NAXD: variants seen among roughly 807,000 people sequenced by gnomAD.
NAXD encodes the protein NAD(P)HX dehydratase.
A neutral mutation model predicts 35.8 loss-of-function variants in NAXD; 22 were observed. The ratio of observed to expected loss-of-function variants is 0.62; its 90% CI spans 0.44 to 0.88. The LOEUF is 0.88. Among genes scored for constraint, NAXD ranks in the 40% least tolerant of loss-of-function variants. NAXD has a pLI of 0.00. For synonymous variants in NAXD, 189 were observed against 177.6 expected, an observed-to-expected ratio of 1.06 and a Z score of -0.51; for missense variants, 428 against 437.7, an observed-to-expected ratio of 0.98 and a Z score of 0.20.
chr13:110,635,371 C>A, intron 7 of NAXD, 97 bp from the exon 8 acceptor site: 1 of 1,428,108 alleles, frequency 7.0e-7, no homozygotes, highest in Non-Finnish European at 9.6e-7. Flanking sequence ...CCTTTAGACA[C>A]GAGAGCATGA....
chr13:110,620,382 C>G (rs1886215155), intron 1 of NAXD, among the ~76,000 whole-genome samples: 1 of 151,798 alleles, frequency 6.6e-6, no homozygotes, highest in Non-Finnish European at 1.5e-5. Context: ...GAGATCGAGA[C>G]CACCCTGGCC....
intron 5 of NAXD, among the ~76,000 whole-genome samples, chr13:110,632,703 A>G (rs960391427): frequency 2.0e-5 from 3 of 151,602 alleles, no homozygotes; most frequent in Non-Finnish European, 4.4e-5. Flanking sequence ...GTATTTACAA[A>G]CCTTGAGCTA....
intron 4 of NAXD, 105 bp from the exon 5 acceptor site, chr13:110,627,334 T>G: frequency 7.1e-6 from 5 of 708,350 alleles, no homozygotes; most frequent in Non-Finnish European, 1.2e-5. Flanking sequence ...TAAAAGTCAT[T>G]ACTATTTATA....
chr13:110,624,895 C>T (rs553693622), intron 3 of NAXD, among the ~76,000 whole-genome samples: 7 of 152,266 alleles, frequency 4.6e-5, no homozygotes, highest in African/African-American at 1.2e-4. Context: ...CAAGTGCTAA[C>T]GGCCGGCCTC....
At position 110,638,900 on chromosome 13, in the gene NAXD, G is replaced by A. The variant is rs330566; in HGVS notation, c.*372G>A. On this transcript the variant is annotated 3_prime_UTR_variant, in exon 10 of 10. Transcript: ENST00000680254. This position sits in a 1 kb window ranked among gnomAD's most constrained non-coding sequence, Gnocchi z 5.4. ...TTTCTACTTGTTACTCTCTCTGCCG[G>A]CGCCCTTCGTTCCTCCTCTGCTTCC... 0.32 allele frequency: 120,162 copies of A among 378,454 alleles called. 20,526 individuals carry two copies. The highest frequency in any genetic ancestry group is 0.47 in the Admixed American group (13,218 of 28,118). The allele number at this position is 378,454 out of a possible 1,614,324, so 23.4% of individuals were successfully genotyped here.
Position 110,622,245 on chromosome 13 carries a change from G to C in NAXD, c.76G>C (p.Ala26Pro). 1 of 1,613,836 alleles carries C rather than the reference G, an allele frequency of 6.2e-7. No individual in the cohort carries two copies. Among genetic ancestry groups the C allele is most frequent in the Non-Finnish European group, 8.5e-7 (1 of 1,179,900 alleles). The change falls in exon 2 of 10, where the codon GCA becomes CCA. Residue 26 changes from alanine (A) to proline (P), a missense_variant. Transcript: ENST00000680254. ...AGAAAGAGCGTTTTCGCTACGTAAAGCACATTCGATAAAGGATATGGAAAA... is the reference window on the plus strand; with the variant it reads ...AGAAAGAGCGTTTTCGCTACGTAAACCACATTCGATAAAGGATATGGAAAA... The part of the protein sequence containing the change: ...VLERAFSLRK[A>P]HSIKDMENTL...
At position 110,638,830 on chromosome 13, in the gene NAXD, T is replaced by C. The variant is rs1295938359; in HGVS notation, c.*302T>C. ...AATCACATGAGAATGAAGAATTCTT[T>C]AGCAGCTCAACAGAGTTTCTCGGCC... On this transcript the variant is annotated 3_prime_UTR_variant, in exon 10 of 10. Coordinates refer to ENST00000680254, the MANE Select transcript of NAXD (RefSeq NM_001242882.2). The surrounding 1 kb of genome is among the most constrained non-coding windows in gnomAD (Gnocchi z 5.4). The C allele has an allele frequency of 1.6e-5, 8 of 515,690 alleles. No homozygotes were observed. Among genetic ancestry groups the C allele is most frequent in the South Asian group, 9.1e-5 (5 of 54,864 alleles). 31.9% of individuals were successfully genotyped at this position (515,690 alleles called of 1,614,324 possible). A position where few individuals can be genotyped will look rare whatever the true frequency, so the allele number is the denominator to read the frequency against.
At chr13:110,618,220 A>T (rs947033309) in intron 1 of NAXD, among the ~76,000 whole-genome samples, 3 of 152,234 alleles carry the variant, frequency 2.0e-5, no homozygotes, top group Non-Finnish European at 2.9e-5. Context: ...CTTCCATTTG[A>T]GAGCCGTTGT....
Position 110,638,306 on chromosome 13 carries a change from G to C in NAXD, c.840-72G>C. ...GATTGAAACAGGAGTCAAAACCAGAGCCCAGGGTAGCTGCGGCCCCCGGAC... is the reference window on the plus strand; with the variant it reads ...GATTGAAACAGGAGTCAAAACCAGACCCCAGGGTAGCTGCGGCCCCCGGAC... On this transcript the variant is annotated intron_variant, in intron 9 of 9. Coordinates refer to ENST00000680254, the MANE Select transcript of NAXD (RefSeq NM_001242882.2). The surrounding 1 kb of genome is among the most constrained non-coding windows in gnomAD (Gnocchi z 5.4). 1.2e-6 allele frequency: 2 copies of C among 1,611,108 alleles called. No individual in the cohort carries two copies. Among genetic ancestry groups the C allele is most frequent in the African/African-American group, 1.3e-5 (1 of 74,886 alleles).
At position 110,634,653 on chromosome 13, in the gene NAXD, G is replaced by A. The variant is rs1485816310; in HGVS notation, c.493-19G>A. On this transcript the variant is annotated intron_variant, in intron 6 of 9. Transcript: ENST00000680254. Reference sequence around the variant, plus strand: ...CCCGGAAGGCCTGTGCAGTGAGCACGGCTCCTTGTTCTGTGCAGGATGGCC... The same window carrying A: ...CCCGGAAGGCCTGTGCAGTGAGCACAGCTCCTTGTTCTGTGCAGGATGGCC... The A allele has an allele frequency of 5.6e-6, 9 of 1,613,738 alleles. No individual in the cohort carries two copies. The highest frequency in any genetic ancestry group is 2.2e-5 in the East Asian group (1 of 44,878).
chr13:110,626,384 G>A (rs980159768), intron 4 of NAXD, among the ~76,000 whole-genome samples: 3 of 152,154 alleles, frequency 2.0e-5, no homozygotes, highest in Admixed American at 1.3e-4. Flanking sequence ...TGGTGGAAAC[G>A]GGCTTGGGTG....
At chr13:110,622,100 G>T in intron 1 of NAXD, 116 bp from the exon 2 acceptor site, 2 of 820,700 alleles carry the variant, frequency 2.4e-6, no homozygotes, top group Non-Finnish European at 3.6e-6. Flanking sequence ...AAATCCATTG[G>T]GTAAAAATCT....
chr13:110,618,724 A>G (rs185813466), intron 1 of NAXD, among the ~76,000 whole-genome samples: 1 of 149,634 alleles, frequency 6.7e-6, no homozygotes, highest in East Asian at 1.9e-4. Context: ...GAAAAATTGT[A>G]TGTGTTCTTG....
intron 1 of NAXD, among the ~76,000 whole-genome samples, chr13:110,621,444 C>T (rs1886258771): frequency 6.6e-6 from 1 of 152,130 alleles, no homozygotes; most frequent in Non-Finnish European, 1.5e-5. Flanking sequence ...GCCTGTAATC[C>T]CAGCACTTTG....
intron 2 of NAXD, among the ~76,000 whole-genome samples, chr13:110,622,751 A>AT (rs1886316128): frequency 6.6e-6 from 1 of 152,194 alleles, no homozygotes; most frequent in Non-Finnish European, 1.5e-5. Flanking sequence ...CATTTATGAA[A>AT]TTTGACAAAT....
chr13:110,625,361 C>T, intron 4 of NAXD, 83 bp downstream of exon 4: 3 of 897,130 alleles, frequency 3.3e-6, no homozygotes, highest in South Asian at 2.8e-5. Flanking sequence ...CCGAAAGCGT[C>T]CTGATGGATT....
At chr13:110,621,224 G>A (rs1460185074) in intron 1 of NAXD, among the ~76,000 whole-genome samples, 1 of 152,242 alleles carries the variant, frequency 6.6e-6, no homozygotes, top group African/African-American at 2.4e-5. Flanking sequence ...GCGGATTACA[G>A]GTGGGAGCTT....
In NAXD at chr13:110,638,421, A is replaced by G; in HGVS notation, c.883A>G (p.Thr295Ala). ...GGCCGCGTTTGGCGCCTGCTCTCTC[A>G]CCAGGCAGTGCAACCACCAAGCCTT... ...LVAAFGACSL[T>A]RQCNHQAFQK... is the part of the protein sequence containing the mutation. The change falls in exon 10 of 10, where the codon ACC (threonine) becomes GCC (alanine). Residue 295 changes from threonine to alanine, a missense_variant. Around this residue, in one of 3 missense-constraint regions of NAXD, gnomAD observed 209 missense variants for 214.6 expected, o/e 0.97. Transcript: ENST00000680254. The surrounding 1 kb of genome is among the most constrained non-coding windows in gnomAD (Gnocchi z 5.4). 1 of 1,613,428 alleles carries G rather than the reference A, an allele frequency of 6.2e-7. No individual in the cohort carries two copies. The highest frequency in any genetic ancestry group is 8.5e-7 in the Non-Finnish European group (1 of 1,179,980).
chr13:110,633,380 G>A (rs1296802705), intron 5 of NAXD, among the ~76,000 whole-genome samples: 1 of 152,218 alleles, frequency 6.6e-6, no homozygotes, highest in Non-Finnish European at 1.5e-5. Context: ...CGCAAGCGCT[G>A]CAGGCAGCCC....
Sources: allele counts gnomAD v4.1 joint callset (sites outside exome capture counted in the v4.1 genomes callset), GRCh38; gene constraint gnomAD v4.1.1; regional missense constraint gnomAD v4.1.1; non-coding constraint Gnocchi (gnomAD v3.1); transcripts MANE v1.5; gene names NCBI Gene and HGNC (gene_info 2026-07-23, HGNC 2026-07-21).